ANXA10: variants seen among roughly 807,000 people sequenced by gnomAD.
ANXA10 encodes the protein annexin A10.
A neutral mutation model predicts 53.5 loss-of-function variants in ANXA10; 49 were observed. The observed-to-expected ratio is 0.92, with a 90% CI of 0.73 to 1.16. ANXA10 has a LOEUF of 1.16. ANXA10 is among the 50% of genes most tolerant of loss of function. The pLI is 0.00. For synonymous variants in ANXA10, 131 were observed against 128.9 expected, an observed-to-expected ratio of 1.02 and a Z score of -0.11; for missense variants, 393 against 394.4, an observed-to-expected ratio of 1.00 and a Z score of 0.03.
intron 6 of ANXA10, among the ~76,000 whole-genome samples, chr4:168,171,653 C>T (rs1383192065): frequency 6.6e-6 from 1 of 152,060 alleles, no homozygotes; most frequent in Admixed American, 6.6e-5. Context: ...TAAAGTGTTT[C>T]CTGACAGGAT....
chr4:168,160,232 A>T (rs1158282729), intron 3 of ANXA10, among the ~76,000 whole-genome samples: 1 of 151,838 alleles, frequency 6.6e-6, no homozygotes, highest in African/African-American at 2.4e-5. Context: ...CGCCCCCAAC[A>T]GGCCCAGTGT....
chr4:168,108,342 C>T (rs1368262290), intron 1 of ANXA10, among the ~76,000 whole-genome samples: 2 of 152,158 alleles, frequency 1.3e-5, no homozygotes, highest in African/African-American at 4.8e-5. Context: ...CCTTATTTTA[C>T]CCAACCCCTA....
intron 9 of ANXA10, among the ~76,000 whole-genome samples, 173 bp downstream of exon 9, chr4:168,179,485 T>C (rs975589526): frequency 1.1e-4 from 16 of 152,190 alleles, no homozygotes; most frequent in African/African-American, 3.9e-4. Flanking sequence ...CAGCTACTGA[T>C]AAAATGCACT....
At position 168,129,639 on chromosome 4, in the gene ANXA10, G is replaced by A. The variant is rs532186276; in HGVS notation, c.100+1474G>A. Among the ~76,000 whole-genome samples, 3 of 152,212 alleles carry A rather than the reference G, an allele frequency of 2.0e-5. No homozygotes were observed. The South Asian group carries it at 6.2e-4, about 32-fold the overall frequency. ...TCCATCTCCATGACTCTGGCGAAGT[G>A]TTATTGAAAAAGACAATAACTAATG... On this transcript the variant is annotated intron_variant, in intron 2 of 11. Coordinates refer to ENST00000359299, the MANE Select transcript of ANXA10 (RefSeq NM_007193.5).
intron 1 of ANXA10, among the ~76,000 whole-genome samples, chr4:168,103,622 A>C (rs1730674518): frequency 6.6e-6 from 1 of 151,886 alleles, no homozygotes; most frequent in Non-Finnish European, 1.5e-5. Context: ...TTTCTTTTCA[A>C]AATTGTTTCA....
intron 2 of ANXA10, among the ~76,000 whole-genome samples, chr4:168,135,857 C>T (rs146659923): frequency 2.0e-5 from 3 of 152,104 alleles, no homozygotes; most frequent in Admixed American, 6.5e-5. Context: ...TTAGTCAATT[C>T]TCACACTACT....
intron 5 of ANXA10, 143 bp downstream of exon 5, chr4:168,164,431 T>C: frequency 1.6e-6 from 1 of 642,972 alleles, no homozygotes; most frequent in Non-Finnish European, 2.6e-6. Flanking sequence ...AATTAACTCA[T>C]TAGGTAAAAC....
At chr4:168,125,144 C>T (rs1033943829) in intron 1 of ANXA10, among the ~76,000 whole-genome samples, 13 of 152,232 alleles carry the variant, frequency 8.5e-5, no homozygotes, top group African/African-American at 3.1e-4. Flanking sequence ...GTGAGAAATG[C>T]CTGAAGACCT....
chr4:168,111,010 C>A (rs1730799185), intron 1 of ANXA10, among the ~76,000 whole-genome samples: 1 of 152,156 alleles, frequency 6.6e-6, no homozygotes, highest in Non-Finnish European at 1.5e-5. Context: ...AGCTAAAGAA[C>A]TTTTAATCTC....
At chr4:168,155,907 ATAT>A (rs1262119665) in intron 3 of ANXA10, among the ~76,000 whole-genome samples, 1,596 of 33,118 alleles carry the variant, frequency 0.048, 174 homozygotes, top group South Asian at 0.061. Context: ...GATATATCAT[ATAT>A]TATATTATAT....
intron 3 of ANXA10, among the ~76,000 whole-genome samples, chr4:168,141,212 G>A (rs1045520905): frequency 8.5e-5 from 13 of 152,238 alleles, no homozygotes; most frequent in South Asian, 4.1e-4. Context: ...AACCTTGGCT[G>A]ATACACTAAA....
At chr4:168,098,897 C>A (rs1274698990) in intron 1 of ANXA10, among the ~76,000 whole-genome samples, 1 of 152,038 alleles carries the variant, frequency 6.6e-6, no homozygotes, top group Non-Finnish European at 1.5e-5. Flanking sequence ...CAGTGGGAAT[C>A]AACTTCACTC....
Position 168,165,389 on chromosome 4 carries a change from CAAAAAAA to C in ANXA10, c.480+74_480+80del, listed in dbSNP as rs33925175. On this transcript the variant is annotated intron_variant, in intron 6 of 11. Transcript: ENST00000359299. Reference sequence around the variant, plus strand: ...TAAGCAAATAAGTATATGTCATTGCCAAAAAAAAAAAAAAAAATAGAACAGAAAACTC... The same window carrying C: ...TAAGCAAATAAGTATATGTCATTGCCAAAAAAAAAATAGAACAGAAAACTC... 1.0e-4 allele frequency: 40 copies of C among 400,010 alleles called. No individual in the cohort carries two copies. In the South Asian group the frequency reaches 1.4e-3, roughly 14 times the overall value. 24.8% of individuals were successfully genotyped at this position (400,010 alleles called of 1,614,324 possible).
chr4:168,182,354 G>C (rs1452821932), intron 10 of ANXA10, among the ~76,000 whole-genome samples: 1 of 23,066 alleles, frequency 4.3e-5, no homozygotes, highest in Non-Finnish European at 7.3e-5. Flanking sequence ...TTTTTGAGAT[G>C]GAGTCTTGCT....
chr4:168,119,456 A>C (rs1208149583), intron 1 of ANXA10, among the ~76,000 whole-genome samples: 1 of 152,140 alleles, frequency 6.6e-6, no homozygotes, highest in African/African-American at 2.4e-5. Flanking sequence ...AGAATCACAG[A>C]ATTTTTAATT....
intron 3 of ANXA10, among the ~76,000 whole-genome samples, chr4:168,161,400 T>G (rs7677555): frequency 0.59 from 89,267 of 151,932 alleles, 27,128 homozygotes; most frequent in African/African-American, 0.71. Context: ...GAGTTTTCTA[T>G]TCTGTTCCAT....
chr4:168,127,495 C>T (rs1169527907), intron 1 of ANXA10, among the ~76,000 whole-genome samples: 1 of 152,006 alleles, frequency 6.6e-6, no homozygotes, highest in Non-Finnish European at 1.5e-5. Context: ...ACGAATCCCA[C>T]CAATATGGTA....
intron 1 of ANXA10, among the ~76,000 whole-genome samples, chr4:168,098,018 T>A (rs1730579247): frequency 6.6e-6 from 1 of 152,046 alleles, no homozygotes; most frequent in South Asian, 2.1e-4. Flanking sequence ...GAGATTATTA[T>A]AAAATTATCT....
chr4:168,170,957 TGA>T (rs1731973732), intron 6 of ANXA10, among the ~76,000 whole-genome samples: 1 of 152,176 alleles, frequency 6.6e-6, no homozygotes, highest in African/African-American at 2.4e-5. Context: ...GTAAAATGTA[TGA>T]GTTCTCTTAG....
Sources: gnomAD v4.1 joint callset for allele counts (sites outside exome capture counted in the v4.1 genomes callset) on GRCh38, gnomAD v4.1.1 for gene constraint, MANE v1.5 for transcripts, NCBI Gene and HGNC (gene_info 2026-07-23, HGNC 2026-07-21) for gene names.